Variants in STX8 observed in about 807,000 individuals in gnomAD.
The protein encoded by STX8 is syntaxin 8, also known as syntaxin-8.
A neutral mutation model predicts 37.5 loss-of-function variants in STX8; 23 were observed. That is an observed-to-expected ratio of 0.61 (90% CI 0.44 to 0.87). The LOEUF (loss-of-function observed/expected upper bound fraction) is 0.87. Ranked by LOEUF, STX8 falls within the 40% of genes least tolerant of loss-of-function variation. The pLI, the probability that STX8 is intolerant of heterozygous loss-of-function variation, is 0.00. For synonymous variants in STX8, 115 were observed against 99.1 expected (o/e 1.16, Z -0.95); for missense variants, 313 against 284.7 (o/e 1.10, Z -0.71).
chr17:9,294,428 A>G (rs927930090), intron 7 of STX8, among the ~76,000 whole-genome samples: 4 of 152,256 alleles, frequency 2.6e-5, no homozygotes, highest in Admixed American at 2.6e-4. Flanking sequence ...ATGGAAGGCA[A>G]CTGTTGCTTC....
chr17:9,322,728 A>G (rs924422613), intron 7 of STX8, among the ~76,000 whole-genome samples: 2 of 151,146 alleles, frequency 1.3e-5, no homozygotes, highest in Non-Finnish European at 2.9e-5. Flanking sequence ...AGGCCATTTA[A>G]GAGGGCAGGG....
intron 6 of STX8, among the ~76,000 whole-genome samples, chr17:9,391,760 G>A (rs1209469685): frequency 6.6e-6 from 1 of 151,604 alleles, no homozygotes. Flanking sequence ...TAGATGGGAA[G>A]CATATGGCAG....
chr17:9,396,472 C>G (rs1912406723), intron 6 of STX8, among the ~76,000 whole-genome samples: 1 of 151,700 alleles, frequency 6.6e-6, no homozygotes, highest in Non-Finnish European at 1.5e-5. Flanking sequence ...CATCTGAGGT[C>G]AGCTGAGGTG....
chr17:9,288,818 A>G (rs1908198722), intron 7 of STX8, among the ~76,000 whole-genome samples: 1 of 152,170 alleles, frequency 6.6e-6, no homozygotes, highest in African/African-American at 2.4e-5. Context: ...TATGAAACCC[A>G]ATATCCAATT....
At chr17:9,512,642 CG>C (rs758315376) in intron 4 of STX8, among the ~76,000 whole-genome samples, 9 of 152,006 alleles carry the variant, frequency 5.9e-5, no homozygotes, top group Non-Finnish European at 1.3e-4. Flanking sequence ...TTTGTAGAGA[CG>C]GGGTTTCACC....
intron 4 of STX8, among the ~76,000 whole-genome samples, chr17:9,541,487 G>A (rs1906275521): frequency 6.6e-6 from 1 of 152,130 alleles, no homozygotes; most frequent in East Asian, 1.9e-4. Flanking sequence ...ATTTATAAAG[G>A]TCTTAGAGTT....
At chr17:9,417,672 G>A (rs796275328) in intron 6 of STX8, among the ~76,000 whole-genome samples, 9 of 152,310 alleles carry the variant, frequency 5.9e-5, no homozygotes, top group African/African-American at 1.7e-4. Flanking sequence ...AACCAACCAT[G>A]TGATTACAGA....
chr17:9,568,774 C>A (rs112724353), intron 1 of STX8, among the ~76,000 whole-genome samples: 1,887 of 152,340 alleles, frequency 0.012, 38 homozygotes, highest in African/African-American at 0.043. Context: ...GCTGGGATTA[C>A]AGGCGTGAGC....
chr17:9,562,405 C>T (rs1390566720), intron 2 of STX8, among the ~76,000 whole-genome samples: 1 of 141,348 alleles, frequency 7.1e-6, no homozygotes, highest in African/African-American at 2.6e-5. Flanking sequence ...GACTCCGTCT[C>T]AGGAAAAAAA....
chr17:9,516,358 A>T, intron 4 of STX8, among the ~76,000 whole-genome samples: 2 of 129,502 alleles, frequency 1.5e-5, no homozygotes, highest in Non-Finnish European at 3.2e-5. Flanking sequence ...CCTGTTAGAA[A>T]ATAAACACCT....
intron 6 of STX8, among the ~76,000 whole-genome samples, chr17:9,411,435 T>C (rs142873807): frequency 1.8e-4 from 27 of 152,330 alleles, no homozygotes; most frequent in African/African-American, 6.3e-4. Context: ...CTAAAATCCC[T>C]GGCTATAAAA....
chr17:9,468,982 G>C (rs186565425), intron 6 of STX8: 3 of 152,232 alleles, frequency 2.0e-5, no homozygotes, highest in Non-Finnish European at 4.4e-5. Context: ...AATCCAACCC[G>C]TGCCTCAATG....
chr17:9,538,079 C>A (rs895706776), intron 4 of STX8, among the ~76,000 whole-genome samples: 4 of 152,262 alleles, frequency 2.6e-5, no homozygotes, highest in Admixed American at 2.6e-4. Flanking sequence ...ACTTCCTTAC[C>A]TATTTTTCAT....
chr17:9,378,973 G>A (rs7214886), intron 6 of STX8, among the ~76,000 whole-genome samples: 27,563 of 152,016 alleles, frequency 0.18, 2,714 homozygotes, highest in Non-Finnish European at 0.22. Context: ...GGCCAGGCAC[G>A]GTGGCTCACG....
chr17:9,424,980 A>C (rs1913574061), intron 6 of STX8, among the ~76,000 whole-genome samples: 1 of 152,214 alleles, frequency 6.6e-6, no homozygotes, highest in African/African-American at 2.4e-5. Flanking sequence ...GTAGAGGATG[A>C]AGAGATCATC....
intron 7 of STX8, among the ~76,000 whole-genome samples, chr17:9,364,619 C>T (rs1186990814): frequency 1.3e-5 from 2 of 152,056 alleles, no homozygotes; most frequent in African/African-American, 4.8e-5. Context: ...CAACCTCTGC[C>T]TCCTGGGTTC....
chr17:9,384,789 T>C (rs1014101882), intron 6 of STX8, among the ~76,000 whole-genome samples: 4 of 143,682 alleles, frequency 2.8e-5, no homozygotes, highest in African/African-American at 1.1e-4. Context: ...AGAGTCCAGA[T>C]AGACTTGTGT....
chr17:9,339,057 C>T (rs980023243), intron 7 of STX8, among the ~76,000 whole-genome samples: 9 of 129,784 alleles, frequency 6.9e-5, no homozygotes, highest in East Asian at 2.1e-4. Flanking sequence ...GTTGACAAAG[C>T]GAGACTCCGT....
chr17:9,439,272 A>T (rs1406544631), intron 6 of STX8, among the ~76,000 whole-genome samples: 1 of 152,180 alleles, frequency 6.6e-6, no homozygotes. Flanking sequence ...TGAATCAAAC[A>T]AAACAGATGA....
Sources: allele counts gnomAD v4.1 joint callset (sites outside exome capture counted in the v4.1 genomes callset), GRCh38; gene constraint gnomAD v4.1.1; transcripts MANE v1.5; gene names NCBI Gene and HGNC (gene_info 2026-07-23, HGNC 2026-07-21).